Variants in BTBD7 observed in about 807,000 individuals in gnomAD.
BTBD7 encodes BTB/POZ domain-containing protein 7.
Under a neutral mutation model 99.9 loss-of-function variants are expected in BTBD7, and 38 were observed. That is an observed-to-expected ratio of 0.38 (90% CI 0.29 to 0.50). BTBD7 has a LOEUF of 0.50. Ranked by LOEUF, BTBD7 falls within the 20% of genes least tolerant of loss-of-function variation. BTBD7 has a pLI of 0.93. For missense variants in BTBD7, 1,170 were observed against 1,394.6 expected, an observed-to-expected ratio of 0.84 and a Z score of 2.57; for synonymous variants, 520 against 511.4, an observed-to-expected ratio of 1.02 and a Z score of -0.23.
chr14:93,257,355 T>G lies in BTBD7; in HGVS notation c.1448A>C (p.Glu483Ala), dbSNP rs1294017726. 1 of 1,588,456 alleles carries G rather than the reference T, an allele frequency of 6.3e-7. No homozygotes were observed. Among genetic ancestry groups the G allele is most frequent in the Admixed American group, 1.9e-5 (1 of 52,758 alleles). The change falls in exon 6 of 11, where the codon GAG becomes GCG. Residue 483 changes from glutamate (E) to alanine (A), a missense_variant and splice_region_variant. This residue lies in a region of BTBD7 where 309 missense variants were observed against 342.0 expected (regional missense o/e 0.90). Coordinates refer to ENST00000334746, the MANE Select transcript of BTBD7 (RefSeq NM_001002860.4). ...HQLMKRIADR[E>A]PNLLSGTAHS... ...GGCAGTGCCACTCAGTAAGTTTGGC[T>G]CTATGAGACAGAAAATGAAAAGTTT...
chr14:93,259,370 G>C (rs1057413727), intron 5 of BTBD7, among the ~76,000 whole-genome samples: 3 of 152,040 alleles, frequency 2.0e-5, no homozygotes, highest in Non-Finnish European at 4.4e-5. Context: ...CTACACCTGG[G>C]GGCCATCTTG....
Position 93,257,183 on chromosome 14 carries a change from A to G in BTBD7, c.1608+12T>C, listed in dbSNP as rs1324910286. 1.2e-6 allele frequency: 2 copies of G among 1,608,176 alleles called. No individual in the cohort carries two copies. The highest frequency in any genetic ancestry group is 1.3e-5 in the African/African-American group (1 of 74,784). On this transcript the variant is annotated intron_variant, in intron 6 of 10. Coordinates refer to ENST00000334746, the MANE Select transcript of BTBD7 (RefSeq NM_001002860.4). ...CTTTTCATGAAAGGAATACATGGAG[A>G]AAAACACTTACTGCATCACTTAAGA...
At chr14:93,319,241 AC>A (rs1341794552) in intron 1 of BTBD7, among the ~76,000 whole-genome samples, 1 of 152,128 alleles carries the variant, frequency 6.6e-6, no homozygotes, top group African/African-American at 2.4e-5. Context: ...AAACCAAAAA[AC>A]AACAGACAAA....
chr14:93,307,410 C>A (rs2053083664), intron 1 of BTBD7, among the ~76,000 whole-genome samples: 1 of 152,182 alleles, frequency 6.6e-6, no homozygotes, highest in Admixed American at 6.5e-5. Context: ...CCTGCCCTGG[C>A]CTCCCAAAGT....
At chr14:93,305,215 A>G (rs1595332435) in intron 1 of BTBD7, among the ~76,000 whole-genome samples, 1 of 152,240 alleles carries the variant, frequency 6.6e-6, no homozygotes, top group Non-Finnish European at 1.5e-5. Flanking sequence ...GTTACAAGTC[A>G]TATATAATGG....
At chr14:93,251,139 T>C (rs1358125007) in intron 8 of BTBD7, among the ~76,000 whole-genome samples, 2 of 152,222 alleles carry the variant, frequency 1.3e-5, no homozygotes, top group Non-Finnish European at 2.9e-5. Flanking sequence ...TAGCATTTAT[T>C]GAGTACAGGC....
chr14:93,294,936 C>T lies in BTBD7; in HGVS notation c.84G>A (p.Gly28=). The change falls in exon 3 of 11, where the codon GGG becomes GGA. Residue 28 remains glycine, a splice_region_variant and synonymous_variant. Transcript: ENST00000334746. ...GNSQAQQTFI[G]TSSYSQQGYG... ...AGCCTTGCTGAGAATAGGATGAGGT[C>T]CCTAAGAAAAAAATTAAACAAATGA... The T allele has an allele frequency of 6.5e-7, 1 of 1,533,704 alleles. No homozygotes were observed. The highest frequency in any genetic ancestry group is 8.7e-7 in the Non-Finnish European group (1 of 1,144,758).
At position 93,240,056 on chromosome 14, in the gene BTBD7, A is replaced by T. The variant is rs915516479; in HGVS notation, c.*2217T>A. The T allele has an allele frequency of 2.0e-5, 3 of 152,220 alleles. No homozygotes were observed. Among genetic ancestry groups the T allele is most frequent in the African/African-American group, 7.2e-5 (3 of 41,462 alleles). 9.4% of individuals were successfully genotyped at this position (152,220 alleles called of 1,614,324 possible). ...GAAGACAGACAGAGACTGGGCTTCA[A>T]AAGACACCGTCTTCTATTATGAGTC... On this transcript the variant is annotated 3_prime_UTR_variant, in exon 11 of 11. Coordinates refer to ENST00000334746, the MANE Select transcript of BTBD7 (RefSeq NM_001002860.4).
At chr14:93,322,010 C>A (rs1463426175) in intron 1 of BTBD7, among the ~76,000 whole-genome samples, 1 of 151,978 alleles carries the variant, frequency 6.6e-6, no homozygotes, top group Admixed American at 6.6e-5. Context: ...AAAAGTATTT[C>A]TATATAGAGT....
At chr14:93,315,794 TATTTG>T (rs1321464701) in intron 1 of BTBD7, among the ~76,000 whole-genome samples, 1 of 152,192 alleles carries the variant, frequency 6.6e-6, no homozygotes, top group Non-Finnish European at 1.5e-5. Context: ...TACCACATTG[TATTTG>T]ATTTATTCAT....
At chr14:93,311,195 T>C (rs1445685873) in intron 1 of BTBD7, among the ~76,000 whole-genome samples, 2 of 152,196 alleles carry the variant, frequency 1.3e-5, no homozygotes, top group South Asian at 4.1e-4. Flanking sequence ...GTTATTCTTA[T>C]TGAAGTTCAA....
intron 3 of BTBD7, among the ~76,000 whole-genome samples, chr14:93,282,332 TTTC>T (rs2052729519): frequency 6.8e-6 from 1 of 146,564 alleles, no homozygotes; most frequent in Admixed American, 6.9e-5. Flanking sequence ...GCAATGCTTT[TTTC>T]TTTTTTTTTT....
chr14:93,284,216 T>C (rs949530284), intron 3 of BTBD7, among the ~76,000 whole-genome samples: 2 of 152,212 alleles, frequency 1.3e-5, no homozygotes, highest in Non-Finnish European at 2.9e-5. Context: ...ATTTTCTAAA[T>C]TCAATTGATA....
intron 3 of BTBD7, among the ~76,000 whole-genome samples, chr14:93,282,335 C>CTTTTTTTTTTT (rs71129622): frequency 1.4e-5 from 2 of 140,004 alleles, no homozygotes; most frequent in African/African-American, 5.2e-5. Context: ...ATGCTTTTTT[C>CTTTTTTTTTTT]TTTTTTTTTT....
intron 1 of BTBD7, among the ~76,000 whole-genome samples, chr14:93,302,506 C>T (rs148214323): frequency 3.9e-4 from 60 of 152,200 alleles, no homozygotes; most frequent in African/African-American, 1.3e-3. Flanking sequence ...ATATCTCTAG[C>T]TAAATCTCAC....
chr14:93,263,432 T>C (rs897145709), intron 4 of BTBD7, among the ~76,000 whole-genome samples: 5 of 152,242 alleles, frequency 3.3e-5, no homozygotes, highest in African/African-American at 1.2e-4. Context: ...ACAATCTAAG[T>C]ATGTGATGCT....
chr14:93,272,125 T>C (rs2052607463), intron 3 of BTBD7, among the ~76,000 whole-genome samples: 2 of 152,168 alleles, frequency 1.3e-5, no homozygotes, highest in Admixed American at 6.5e-5. Context: ...GAGACCAGCC[T>C]GACCAACATG....
intron 1 of BTBD7, among the ~76,000 whole-genome samples, chr14:93,324,120 G>C (rs1443893591): frequency 1.3e-5 from 2 of 152,154 alleles, no homozygotes; most frequent in Non-Finnish European, 1.5e-5. Flanking sequence ...ACTTGATCTT[G>C]AAAAATAAAG....
At chr14:93,254,712 G>A (rs562613031) in intron 6 of BTBD7, among the ~76,000 whole-genome samples, 6 of 152,320 alleles carry the variant, frequency 3.9e-5, no homozygotes, top group Non-Finnish European at 7.3e-5. Flanking sequence ...AGGAGAATCT[G>A]TATCAAGTAT....
Sources: allele counts gnomAD v4.1 joint callset (sites outside exome capture counted in the v4.1 genomes callset), GRCh38; gene constraint gnomAD v4.1.1; regional missense constraint gnomAD v4.1.1; transcripts MANE v1.5; gene names NCBI Gene and HGNC (gene_info 2026-07-23, HGNC 2026-07-21).